SHISA9: variants seen among roughly 807,000 people sequenced by gnomAD.
SHISA9 encodes the protein shisa family member 9.
A neutral mutation model predicts 38.0 loss-of-function variants in SHISA9; 13 were observed. That is an observed-to-expected ratio of 0.34 (90% confidence interval 0.22 to 0.54). The LOEUF (loss-of-function observed/expected upper bound fraction) is 0.54, where lower values mean the gene tolerates loss of function less well. Among genes scored for constraint, SHISA9 ranks in the 20% least tolerant of loss-of-function variants. SHISA9 has a pLI of 0.91. For missense variants in SHISA9, 538 were observed against 575.8 expected (o/e 0.93, Z 0.67); for synonymous variants, 275 against 242.0 (o/e 1.14, Z -1.27).
At chr16:13,229,335 G>A (rs1422742909) in intron 4 of SHISA9, among the ~76,000 whole-genome samples, 3 of 152,332 alleles carry the variant, frequency 2.0e-5, no homozygotes, top group African/African-American at 7.2e-5. Context: ...CACGGGAGGA[G>A]CTTATTATGG....
the SHISA9 span, among the ~76,000 whole-genome samples, chr16:13,306,189 T>C: frequency 1.3e-5 from 2 of 152,112 alleles, no homozygotes; most frequent in East Asian, 1.9e-4. Context: ...GCAAGACCAA[T>C]TGAGATACAG....
intron 2 of SHISA9, among the ~76,000 whole-genome samples, chr16:13,037,462 G>A (rs2141884398): frequency 6.6e-6 from 1 of 152,146 alleles, no homozygotes; most frequent in South Asian, 2.1e-4. Context: ...TTGGGGGAGG[G>A]GAGCAGCAGT....
At chr16:13,068,156 G>A (rs2073456338) in intron 2 of SHISA9, among the ~76,000 whole-genome samples, 1 of 152,128 alleles carries the variant, frequency 6.6e-6, no homozygotes, top group Non-Finnish European at 1.5e-5. Context: ...CCTGTGCCTT[G>A]CTTTCCCCAT....
chr16:13,543,776 C>G, the SHISA9 span, among the ~76,000 whole-genome samples: 1 of 152,216 alleles, frequency 6.6e-6, no homozygotes, highest in African/African-American at 2.4e-5. Flanking sequence ...ATGCTCGCCT[C>G]TGAGTAGCAT....
At chr16:13,257,184 G>A in the SHISA9 span, among the ~76,000 whole-genome samples, 940 of 152,248 alleles carry the variant, frequency 6.2e-3, 8 homozygotes, top group African/African-American at 0.021. Flanking sequence ...CATTGGTAAG[G>A]AACCATCCCA....
chr16:13,020,566 C>G (rs2072840068), intron 2 of SHISA9, among the ~76,000 whole-genome samples: 1 of 152,184 alleles, frequency 6.6e-6, no homozygotes, highest in African/African-American at 2.4e-5. Context: ...TTAATGACTT[C>G]CTTAAAGGTC....
the SHISA9 span, among the ~76,000 whole-genome samples, chr16:13,558,822 A>C: frequency 6.6e-6 from 1 of 152,248 alleles, no homozygotes; most frequent in South Asian, 2.1e-4. Context: ...ACAAGATGGC[A>C]GAGTGTTGCC....
At chr16:13,319,382 G>A in the SHISA9 span, among the ~76,000 whole-genome samples, 1 of 152,178 alleles carries the variant, frequency 6.6e-6, no homozygotes. Context: ...CGTTTATCCT[G>A]CACTAGAAGA....
chr16:12,935,988 T>G (rs1325805501), intron 2 of SHISA9, among the ~76,000 whole-genome samples: 1 of 152,114 alleles, frequency 6.6e-6, no homozygotes, highest in African/African-American at 2.4e-5. Flanking sequence ...CTAGCCTTAC[T>G]TGAAGAGAGG....
chr16:13,536,637 G>A, the SHISA9 span, among the ~76,000 whole-genome samples: 1 of 152,170 alleles, frequency 6.6e-6, no homozygotes, highest in South Asian at 2.1e-4. Context: ...CGCTGGAAGG[G>A]GAAGAAGGTG....
At chr16:13,312,821 G>C in the SHISA9 span, among the ~76,000 whole-genome samples, 1 of 152,028 alleles carries the variant, frequency 6.6e-6, no homozygotes, top group South Asian at 2.1e-4. Context: ...TCAACTTCTA[G>C]AGAAAGCACT....
intron 2 of SHISA9, among the ~76,000 whole-genome samples, chr16:13,185,738 C>CT (rs1190149369): frequency 6.6e-6 from 1 of 152,116 alleles, no homozygotes; most frequent in Admixed American, 6.5e-5. Flanking sequence ...AGAATGATGC[C>CT]TAGCCTAGGA....
At chr16:13,180,463 C>A (rs1305340664) in intron 2 of SHISA9, among the ~76,000 whole-genome samples, 1 of 152,150 alleles carries the variant, frequency 6.6e-6, no homozygotes, top group Non-Finnish European at 1.5e-5. Flanking sequence ...TTTGGGAGGC[C>A]AAGGTGGGTG....
At chr16:13,135,515 ATATTCCATCC>A (rs1340882846) in intron 2 of SHISA9, among the ~76,000 whole-genome samples, 1 of 152,194 alleles carries the variant, frequency 6.6e-6, no homozygotes, top group Non-Finnish European at 1.5e-5. Flanking sequence ...CCAATGGACA[ATATTCCATCC>A]AGATCTCCTT....
chr16:13,065,520 A>G (rs1038241702), intron 2 of SHISA9, among the ~76,000 whole-genome samples: 4 of 152,274 alleles, frequency 2.6e-5, no homozygotes, highest in African/African-American at 9.6e-5. Flanking sequence ...CACTTGATAT[A>G]AAAAATGATA....
At chr16:13,059,012 T>C (rs1479084640) in intron 2 of SHISA9, among the ~76,000 whole-genome samples, 1 of 152,094 alleles carries the variant, frequency 6.6e-6, no homozygotes, top group East Asian at 1.9e-4. Flanking sequence ...TTAGAATAAT[T>C]AGGAATTGAA....
the SHISA9 span, among the ~76,000 whole-genome samples, chr16:13,372,624 G>C: frequency 0.084 from 12,785 of 152,230 alleles, 674 homozygotes; most frequent in South Asian, 0.21. Flanking sequence ...GCTCTGGTTA[G>C]CTATTCATTT....
At chr16:13,181,709 A>G (rs538102371) in intron 2 of SHISA9, among the ~76,000 whole-genome samples, 1 of 152,160 alleles carries the variant, frequency 6.6e-6, no homozygotes, top group Admixed American at 6.5e-5. Context: ...AGGTATCTCA[A>G]TAGGAGGTCC....
chr16:13,339,165 CTTTTTTTT>C, the SHISA9 span, among the ~76,000 whole-genome samples: 2 of 132,856 alleles, frequency 1.5e-5, no homozygotes, highest in Non-Finnish European at 3.1e-5. Context: ...CTTATTGTGA[CTTTTTTTT>C]TTTTTTTTTT....
Sources: allele counts gnomAD v4.1 joint callset (sites outside exome capture counted in the v4.1 genomes callset), GRCh38; gene constraint gnomAD v4.1.1; transcripts MANE v1.5; gene names NCBI Gene and HGNC (gene_info 2026-07-23, HGNC 2026-07-21).